The following UTRN variants were observed in gnomAD, a reference collection of about 807,000 sequenced individuals.
The protein encoded by UTRN is dystrophin-related protein 1.
UTRN carries 283 observed loss-of-function variants against 463.9 expected under a neutral mutation model. The ratio of observed to expected loss-of-function variants is 0.61; its 90% confidence interval spans 0.55 to 0.67. The LOEUF (loss-of-function observed/expected upper bound fraction) is 0.67. Ranked by LOEUF, UTRN falls within the 30% of genes least tolerant of loss-of-function variation. UTRN has a pLI of 0.00. For missense variants in UTRN, 3,922 were observed against 4,084.3 expected (o/e 0.96, Z 1.08); for synonymous variants, 1,442 against 1,431.5 (o/e 1.01, Z -0.17).
At chr6:144,363,770 G>T (rs1245574602) in intron 2 of UTRN, among the ~76,000 whole-genome samples, 1 of 152,160 alleles carries the variant, frequency 6.6e-6, no homozygotes, top group Admixed American at 6.5e-5. Context: ...CATGAAAGGG[G>T]GTACCATTTG....
At chr6:144,702,631 G>T (rs1784707538) in intron 53 of UTRN, among the ~76,000 whole-genome samples, 1 of 152,146 alleles carries the variant, frequency 6.6e-6, no homozygotes, top group Non-Finnish European at 1.5e-5. Context: ...ATATGGAGAA[G>T]GTCAGGAAAG....
At chr6:144,489,625 A>G (rs539074992) in intron 30 of UTRN, among the ~76,000 whole-genome samples, 1 of 151,864 alleles carries the variant, frequency 6.6e-6, no homozygotes, top group East Asian at 1.9e-4. Context: ...ACAAAAACGT[A>G]TTATTATTAT....
intron 53 of UTRN, among the ~76,000 whole-genome samples, chr6:144,719,731 AG>A (rs1165736234): frequency 6.6e-6 from 1 of 152,206 alleles, no homozygotes; most frequent in African/African-American, 2.4e-5. Context: ...GACAGCAGGG[AG>A]GGTCCAGACC....
At chr6:144,774,251 A>G (rs746560711) in intron 59 of UTRN, 39 bp from the exon 60 acceptor site, 34 of 1,551,638 alleles carry the variant, frequency 2.2e-5, no homozygotes, top group Non-Finnish European at 2.9e-5. Flanking sequence ...TATATTCAAT[A>G]ATAAGCCTAT....
intron 51 of UTRN, among the ~76,000 whole-genome samples, chr6:144,586,814 G>T (rs910249876): frequency 1.3e-5 from 2 of 152,018 alleles, no homozygotes; most frequent in African/African-American, 4.8e-5. Flanking sequence ...AAAATATTTA[G>T]TGCTGTAAAT....
chr6:144,490,310 C>T, intron 31 of UTRN, 111 bp downstream of exon 31: 3 of 1,436,048 alleles, frequency 2.1e-6, no homozygotes, highest in Non-Finnish European at 2.8e-6. Flanking sequence ...TGATGTAAAC[C>T]ATGGGATGGG....
At chr6:144,659,171 A>G (rs1437797935) in intron 51 of UTRN, among the ~76,000 whole-genome samples, 4 of 152,198 alleles carry the variant, frequency 2.6e-5, no homozygotes, top group Admixed American at 1.3e-4. Context: ...TTGGCTCCCA[A>G]CTGGAACATG....
intron 9 of UTRN, among the ~76,000 whole-genome samples, chr6:144,432,676 GTCT>G (rs1042771098): frequency 2.3e-4 from 35 of 150,892 alleles, no homozygotes; most frequent in African/African-American, 8.3e-4. Context: ...TTTGAGATAA[GTCT>G]TTTTTTTTTT....
chr6:144,589,925 C>T (rs576458930), intron 51 of UTRN, among the ~76,000 whole-genome samples: 7 of 151,824 alleles, frequency 4.6e-5, no homozygotes, highest in African/African-American at 1.7e-4. Flanking sequence ...TATCATGGCT[C>T]ACTGCAGCCT....
intron 52 of UTRN, among the ~76,000 whole-genome samples, chr6:144,686,479 C>G (rs1782768241): frequency 6.6e-6 from 1 of 152,112 alleles, no homozygotes; most frequent in African/African-American, 2.4e-5. Context: ...CTAGTGCTGT[C>G]AGTATAGTGT....
intron 57 of UTRN, among the ~76,000 whole-genome samples, chr6:144,755,495 C>T (rs901548064): frequency 2.6e-5 from 4 of 152,108 alleles, no homozygotes; most frequent in African/African-American, 9.7e-5. Flanking sequence ...GCTTACCAGA[C>T]CTGTGAATTT....
rs1256901379 is a variant in UTRN, at chr6:144,789,274, A to G, written c.8915A>G (p.Tyr2972Cys). 2 of 1,611,898 alleles carry G rather than the reference A, an allele frequency of 1.2e-6. No homozygotes were observed. The highest frequency in any genetic ancestry group is 1.7e-6 in the Non-Finnish European group (2 of 1,178,636). ...SLSKGLLEEKYRYLFKEVAGP... is the reference protein window; with the variant it reads ...SLSKGLLEEKCRYLFKEVAGP... Reference sequence around the variant, plus strand: ...TCCAAAGGTCTCTTGGAAGAAAAATACAGATGTATGTAAGACCTTTCTTAT... The same window carrying G: ...TCCAAAGGTCTCTTGGAAGAAAAATGCAGATGTATGTAAGACCTTTCTTAT... Residue 2972 changes from tyrosine to cysteine, a missense_variant, in exon 62 of 75, where the codon TAC (tyrosine) becomes TGC (cysteine). Coordinates refer to ENST00000367545, the MANE Select transcript of UTRN (RefSeq NM_007124.3).
chr6:144,721,390 A>G (rs1045592746), intron 53 of UTRN, among the ~76,000 whole-genome samples: 1 of 152,098 alleles, frequency 6.6e-6, no homozygotes, highest in Admixed American at 6.6e-5. Flanking sequence ...TGTTGTTGTT[A>G]TTGAGACGGG....
At chr6:144,436,753 T>A (rs1002943918) in intron 10 of UTRN, among the ~76,000 whole-genome samples, 4 of 145,230 alleles carry the variant, frequency 2.8e-5, no homozygotes, top group African/African-American at 5.0e-5. Flanking sequence ...GTATTTTATT[T>A]TATATATATA....
At chr6:144,424,392 C>T (rs1250895238) in intron 6 of UTRN, among the ~76,000 whole-genome samples, 2 of 152,140 alleles carry the variant, frequency 1.3e-5, no homozygotes, top group Non-Finnish European at 2.9e-5. Flanking sequence ...GTGTGCATAT[C>T]TGTCAAATTT....
rs531041498 is a variant in UTRN, at chr6:144,521,294, C to A, written c.5542-686C>A. On this transcript the variant is annotated intron_variant, in intron 39 of 74. Coordinates refer to ENST00000367545, the MANE Select transcript of UTRN (RefSeq NM_007124.3). ...GAGCAACACTCTGTCCTGCACCCCC[C>A]CAAAAAAATAAAAATGAAAAAGAAA... 9.2e-5 allele frequency among the ~76,000 whole-genome samples: 14 copies of A among 151,486 alleles called. 1 individual carries two copies. The highest frequency in any genetic ancestry group is 8.6e-4 in the Admixed American group (13 of 15,164).
chr6:144,573,528 T>C (rs1380109132), intron 50 of UTRN, among the ~76,000 whole-genome samples: 1 of 151,870 alleles, frequency 6.6e-6, no homozygotes, highest in Non-Finnish European at 1.5e-5. Flanking sequence ...ATCCTGTCTC[T>C]ATTAAAAAAA....
intron 19 of UTRN, among the ~76,000 whole-genome samples, chr6:144,455,903 A>ACTC (rs1788764339): frequency 6.6e-6 from 1 of 152,196 alleles, no homozygotes; most frequent in Admixed American, 6.5e-5. Context: ...GTTCACATGA[A>ACTC]AGTGCTACTT....
At chr6:144,758,381 A>G (rs569389448) in intron 58 of UTRN, 1 of 154,408 alleles carries the variant, frequency 6.5e-6, no homozygotes, top group African/African-American at 2.4e-5. Context: ...GTCAAATTGT[A>G]CAAATTCTAA....
Sources: allele counts gnomAD v4.1 joint callset (sites outside exome capture counted in the v4.1 genomes callset), GRCh38; gene constraint gnomAD v4.1.1; transcripts MANE v1.5; gene names NCBI Gene and HGNC (gene_info 2026-07-23, HGNC 2026-07-21).